Variants in CFAP77 observed in about 807,000 individuals in gnomAD.
The protein encoded by CFAP77 is cilia and flagella associated protein 77, also known as cilia- and flagella-associated protein 77.
In CFAP77, 25 loss-of-function variants were observed where a neutral mutation model predicts 31.1. The ratio of observed to expected loss-of-function variants is 0.80; its 90% CI spans 0.59 to 1.12. CFAP77 has a LOEUF of 1.12. Among genes scored for constraint, CFAP77 ranks in the 50% most tolerant of loss-of-function variants. The pLI, the probability that CFAP77 is intolerant of heterozygous loss-of-function variation, is 0.00. For missense variants in CFAP77, 377 were observed against 397.3 expected (o/e 0.95, Z 0.44); for synonymous variants, 151 against 159.9 (o/e 0.94, Z 0.42).
chr9:132,531,373 C>A (rs1044006256), intron 3 of CFAP77, among the ~76,000 whole-genome samples: 1 of 152,212 alleles, frequency 6.6e-6, no homozygotes, highest in Non-Finnish European at 1.5e-5. Context: ...GAGCGCCCCC[C>A]GCGTGGGAGG....
chr9:132,535,305 A>G (rs1564244198), intron 3 of CFAP77, among the ~76,000 whole-genome samples: 1 of 152,222 alleles, frequency 6.6e-6, no homozygotes, highest in Admixed American at 6.5e-5. Flanking sequence ...ATAGTTTCAA[A>G]CTAACAATAT....
chr9:132,550,398 A>G (rs567885293), intron 5 of CFAP77, among the ~76,000 whole-genome samples: 30 of 151,964 alleles, frequency 2.0e-4, no homozygotes, highest in African/African-American at 6.5e-4. Context: ...GGGGTCCCCA[A>G]TTTCTTCTTC....
intron 3 of CFAP77, among the ~76,000 whole-genome samples, chr9:132,502,971 G>A (rs1851878263): frequency 6.6e-6 from 1 of 152,108 alleles, no homozygotes; most frequent in African/African-American, 2.4e-5. Context: ...GAGTAGGTGG[G>A]AAAACCTACT....
intron 1 of CFAP77, among the ~76,000 whole-genome samples, chr9:132,474,652 A>G (rs1851321023): frequency 6.6e-6 from 1 of 152,206 alleles, no homozygotes; most frequent in African/African-American, 2.4e-5. Flanking sequence ...GCGGCGGTAG[A>G]GAATGATTAG....
At chr9:132,493,274 TGCTA>T (rs1343064664) in intron 1 of CFAP77, among the ~76,000 whole-genome samples, 4 of 152,194 alleles carry the variant, frequency 2.6e-5, no homozygotes, top group Non-Finnish European at 5.9e-5. Flanking sequence ...TTCCAGGCGA[TGCTA>T]TGGTCTGGAA....
At chr9:132,471,181 T>G (rs189329916) in intron 1 of CFAP77, among the ~76,000 whole-genome samples, 5 of 152,226 alleles carry the variant, frequency 3.3e-5, no homozygotes, top group Admixed American at 3.3e-4. Flanking sequence ...AGCAATGTAA[T>G]CAGTTGGGAG....
intron 1 of CFAP77, among the ~76,000 whole-genome samples, chr9:132,467,955 A>G (rs567108582): frequency 6.6e-6 from 1 of 152,040 alleles, no homozygotes; most frequent in South Asian, 2.1e-4. Context: ...CTGTTCATGA[A>G]GTGTCCTGAG....
rs1435982698 is a variant in CFAP77 at position 132,517,122 on chromosome 9, CG to C, written c.524+17525del. 1.3e-5 allele frequency among the ~76,000 whole-genome samples: 2 copies of C among 152,084 alleles called. No homozygotes were observed. Among genetic ancestry groups the C allele is most frequent in the Non-Finnish European group, 2.9e-5 (2 of 68,024 alleles). On this transcript the variant is annotated intron_variant, in intron 3 of 5. Coordinates refer to ENST00000393216, the MANE Select transcript of CFAP77 (RefSeq NM_001282957.2). This position sits in a 1 kb window ranked among gnomAD's most constrained non-coding sequence, Gnocchi z 4.7. ...CCACTTCTGGGTGTCCCTCATGGAT[CG>C]GGTGTCGATTTCGTATCGTGGAGAG...
chr9:132,478,100 G>A (rs986189377), intron 1 of CFAP77, among the ~76,000 whole-genome samples: 41 of 152,172 alleles, frequency 2.7e-4, no homozygotes, highest in African/African-American at 9.6e-4. Flanking sequence ...AATCTCATGT[G>A]GAATTGTAAT....
intron 5 of CFAP77, among the ~76,000 whole-genome samples, chr9:132,562,980 G>A (rs1829838966): frequency 6.6e-6 from 1 of 151,998 alleles, no homozygotes; most frequent in South Asian, 2.1e-4. Flanking sequence ...TTACAGGTGT[G>A]AGCCACCCCA....
At chr9:132,440,288 G>A (rs1380398827) in intron 1 of CFAP77, among the ~76,000 whole-genome samples, 1 of 152,056 alleles carries the variant, frequency 6.6e-6, no homozygotes, top group Non-Finnish European at 1.5e-5. Flanking sequence ...AGTGAGCCAT[G>A]GTTACACCAC....
chr9:132,424,889 T>TC lies in CFAP77; in HGVS notation c.195+14424dup, dbSNP rs1392890973. On this transcript the variant is annotated intron_variant, in intron 1 of 5. Coordinates refer to ENST00000393216, the MANE Select transcript of CFAP77 (RefSeq NM_001282957.2). This position sits in a 1 kb window ranked among gnomAD's most constrained non-coding sequence, Gnocchi z 4.1. Reference sequence around the variant, plus strand: ...CCTCTCCCAAACACGGCTCCCTTCTTCTCCCCACCTCCCTAATCAGAGAGA... The same window carrying TC: ...CCTCTCCCAAACACGGCTCCCTTCTTCCTCCCCACCTCCCTAATCAGAGAGA... Among the ~76,000 whole-genome samples the TC allele has an allele frequency of 6.6e-6, 1 of 152,064 alleles. No homozygotes were observed. The highest frequency in any genetic ancestry group is 1.5e-5 in the Non-Finnish European group (1 of 68,006).
chr9:132,411,835 T>C (rs1188733999), intron 1 of CFAP77, among the ~76,000 whole-genome samples: 1 of 150,762 alleles, frequency 6.6e-6, no homozygotes, highest in African/African-American at 2.5e-5. Flanking sequence ...TGAGTTAGTG[T>C]GTGGTGCCCA....
chr9:132,544,229 T>C (rs73659091), intron 5 of CFAP77, among the ~76,000 whole-genome samples: 10,825 of 152,200 alleles, frequency 0.071, 1,313 homozygotes, highest in African/African-American at 0.25. Context: ...CCATGCGCCC[T>C]GCCGCCCGTC....
chr9:132,568,775 T>C (rs1438591403), intron 5 of CFAP77, among the ~76,000 whole-genome samples: 1 of 151,948 alleles, frequency 6.6e-6, no homozygotes, highest in African/African-American at 2.4e-5. Flanking sequence ...CAATGGCTCA[T>C]TGCAGCCTCA....
intron 1 of CFAP77, among the ~76,000 whole-genome samples, chr9:132,486,407 A>T (rs2118922718): frequency 6.6e-6 from 1 of 151,924 alleles, no homozygotes; most frequent in South Asian, 2.1e-4. Context: ...ACCTCCTCTT[A>T]ATCAGAGGCA....
At chr9:132,427,233 C>T (rs572560721) in intron 1 of CFAP77, among the ~76,000 whole-genome samples, 10 of 152,274 alleles carry the variant, frequency 6.6e-5, no homozygotes, top group African/African-American at 2.2e-4. Context: ...TTGTTTCCTG[C>T]AATGAGGTAA....
At chr9:132,548,421 T>C (rs1852770033) in intron 5 of CFAP77, among the ~76,000 whole-genome samples, 2 of 152,202 alleles carry the variant, frequency 1.3e-5, no homozygotes, top group East Asian at 1.9e-4. Context: ...TCCTGAGTTC[T>C]TCCCCAGGTG....
In CFAP77 at chr9:132,565,826, C is replaced by A. The variant is rs571046340; in HGVS notation, c.733-6562C>A. The stretch of plus-strand genomic sequence containing the variant: ...GCCATTTAGATTTGTGCAATGCTCC[C>A]CATTCTAACAGGACCAGCTCCTTCG... On this transcript the variant is annotated intron_variant, in intron 5 of 5. Transcript: ENST00000393216. The surrounding 1 kb of genome is among the most constrained non-coding windows in gnomAD (Gnocchi z 4.1). 1.4e-3 allele frequency among the ~76,000 whole-genome samples: 220 copies of A among 152,286 alleles called. No individual in the cohort carries two copies. The highest frequency in any genetic ancestry group is 5.0e-3 in the African/African-American group (206 of 41,560).
Sources: gnomAD v4.1 joint callset for allele counts (sites outside exome capture counted in the v4.1 genomes callset) on GRCh38, gnomAD v4.1.1 for gene constraint, Gnocchi (gnomAD v3.1) non-coding constraint, MANE v1.5 for transcripts, NCBI Gene and HGNC (gene_info 2026-07-23, HGNC 2026-07-21) for gene names.